Variants in UVSSA observed in about 807,000 individuals in gnomAD.
UVSSA encodes UV stimulated scaffold protein A.
UVSSA carries 72 observed loss-of-function variants against 73.9 expected under a neutral mutation model. That is an observed-to-expected ratio of 0.97 (90% CI 0.81 to 1.19). UVSSA has a LOEUF of 1.19. Among genes scored for constraint, UVSSA ranks in the 50% most tolerant of loss-of-function variants. The probability of loss-of-function intolerance (pLI) is 0.00; values close to 1 mark genes in which losing one functional copy is unlikely to be tolerated. For missense variants in UVSSA, 1,150 were observed against 965.0 expected (o/e 1.19, Z -2.54); for synonymous variants, 454 against 391.3 (o/e 1.16, Z -1.89).
intron 7 of UVSSA, among the ~76,000 whole-genome samples, chr4:1,355,586 C>T (rs770493797): frequency 1.3e-5 from 2 of 152,204 alleles, no homozygotes; most frequent in African/African-American, 4.8e-5. Context: ...CGGCACCTGT[C>T]CTGGCAGGCA....
In UVSSA at chr4:1,366,452, G is replaced by A. The variant is rs565941316; in HGVS notation, c.1288+21G>A. 2.0e-5 allele frequency: 31 copies of A among 1,578,656 alleles called. No individual in the cohort carries two copies. In the East Asian group the frequency reaches 3.8e-4, roughly 19 times the overall value. On this transcript the variant is annotated intron_variant, in intron 8 of 13. Transcript: ENST00000389851. ...GTATGGTGAGCAGTGGGTCCCGTGG[G>A]GGGGGCACCTGGGTGGAGGGTCCCC...
chr4:1,382,930 A>G (rs201916268), intron 12 of UVSSA, among the ~76,000 whole-genome samples: 3 of 152,128 alleles, frequency 2.0e-5, no homozygotes, highest in East Asian at 3.9e-4. Context: ...TGTAAGTCCC[A>G]TGGCCATCAC....
chr4:1,379,863 T>C (rs1311758547), intron 10 of UVSSA, among the ~76,000 whole-genome samples, 184 bp from the exon 11 acceptor site: 1 of 30,636 alleles, frequency 3.3e-5, no homozygotes, highest in East Asian at 8.9e-4. Context: ...GTCGCGCGGC[T>C]GGTTCATGTG....
upstream of UVSSA, among the ~76,000 whole-genome samples, chr4:1,343,096 T>G (rs1713487803): frequency 6.6e-6 from 1 of 152,194 alleles, no homozygotes; most frequent in Non-Finnish European, 1.5e-5. Flanking sequence ...GGTATTAGTT[T>G]GCTCGGCTGC....
chr4:1,355,348 C>A, intron 7 of UVSSA, 103 bp downstream of exon 7: 2 of 1,193,728 alleles, frequency 1.7e-6, no homozygotes, highest in South Asian at 1.5e-5. Context: ...CGGCGGACCC[C>A]AGCCACACCC....
At chr4:1,354,519 G>A in intron 5 of UVSSA, 1 of 572,718 alleles carries the variant, frequency 1.7e-6, no homozygotes, top group African/African-American at 1.9e-5. Flanking sequence ...AGCTGCGTGT[G>A]AGGGGAGGCT....
intron 9 of UVSSA, 113 bp from the exon 10 acceptor site, chr4:1,375,921 C>G: frequency 6.8e-7 from 1 of 1,476,404 alleles, no homozygotes; most frequent in Non-Finnish European, 9.0e-7. Context: ...GAAGCCATTG[C>G]TCACCTGATC....
At chr4:1,359,476 G>T (rs1440753092) in intron 7 of UVSSA, 4 of 152,194 alleles carry the variant, frequency 2.6e-5, no homozygotes, top group Non-Finnish European at 5.9e-5. Flanking sequence ...TTTGTATTGT[G>T]TAATTAACAA....
chr4:1,345,817 G>C (rs1243310593), upstream of UVSSA, among the ~76,000 whole-genome samples: 1 of 152,284 alleles, frequency 6.6e-6, no homozygotes, highest in East Asian at 1.9e-4. Context: ...GATAAAGAGA[G>C]GGTTTTGTTA....
At position 1,355,155 on chromosome 4, in the gene UVSSA, G is replaced by C. The variant is rs1485061774; in HGVS notation, c.1086G>C (p.Lys362Asn). 6.2e-7 allele frequency: 1 copy of C among 1,613,886 alleles called. No individual in the cohort carries two copies. The highest frequency in any genetic ancestry group is 2.2e-5 in the East Asian group (1 of 44,870). Residue 362 changes from lysine (K) to asparagine (N), a missense_variant, in exon 7 of 14, where the codon AAG (lysine) becomes AAC (asparagine). Coordinates refer to ENST00000389851, the MANE Select transcript of UVSSA (RefSeq NM_020894.4). ...TRVGTHGGCL[K>N]RAIDLKAELE... ...TCGGGACCCACGGTGGATGTTTAAAGCGTGCCATTGACCTGAAGGCTGAAT... is the reference window on the plus strand; with the variant it reads ...TCGGGACCCACGGTGGATGTTTAAACCGTGCCATTGACCTGAAGGCTGAAT...
rs1314448347 is a variant in UVSSA, at chr4:1,349,279, A to C, written c.99-245A>C. 2.6e-5 allele frequency among the ~76,000 whole-genome samples: 4 copies of C among 152,210 alleles called. No homozygotes were observed. The East Asian group carries it at 7.7e-4, about 29-fold the overall frequency. The stretch of plus-strand genomic sequence containing the variant: ...GTGTATATGATTTTCACATTTCACC[A>C]AGTATTTTTTGTTTGTATTGACATT... On this transcript the variant is annotated intron_variant, in intron 2 of 13. Transcript: ENST00000389851.
At chr4:1,394,196 C>A in exon 14 of UVSSA, 1 of 504,208 alleles carries the variant, frequency 2.0e-6, no homozygotes, top group Non-Finnish European at 3.5e-6. Flanking sequence ...GTGGGCACAG[C>A]CTTCCATGCC....
rs377071239 is a variant in UVSSA at position 1,349,821 on chromosome 4, C to G, written c.396C>G (p.Ala132=). The G allele has an allele frequency of 5.7e-6, 9 of 1,579,064 alleles. No individual in the cohort carries two copies. The highest frequency in any genetic ancestry group is 5.5e-5 in the African/African-American group (4 of 73,178). ...EKFGEAYKKL[A]LGYHFLRHNK... ...TTGGGGAGGCCTACAAGAAGCTTGC[C>G]TTGGGCTACCACTTCTTAAGACACA... Residue 132 remains alanine, a synonymous_variant, in exon 3 of 14, where the codon GCC becomes GCG. Transcript: ENST00000389851.
intron 11 of UVSSA, 63 bp downstream of exon 11, chr4:1,380,293 G>A: frequency 6.5e-7 from 1 of 1,545,000 alleles, no homozygotes; most frequent in Non-Finnish European, 8.8e-7. Context: ...AGCCAGAGGG[G>A]TGCTGAGCCC....
chr4:1,344,363 C>A (rs1403700333), upstream of UVSSA, among the ~76,000 whole-genome samples: 1 of 152,040 alleles, frequency 6.6e-6, no homozygotes, highest in Admixed American at 6.6e-5. Context: ...CCAGCCTGGC[C>A]AATATGGTGA....
intron 2 of UVSSA, 32 bp downstream of exon 2, chr4:1,348,221 C>T (rs1410292965): frequency 5.2e-6 from 8 of 1,538,386 alleles, no homozygotes; most frequent in Non-Finnish European, 6.3e-6. Context: ...CAGTAACTGA[C>T]TGGCCCACTG....
chr4:1,387,684 T>C lies in UVSSA; in HGVS notation c.*1723T>C, dbSNP rs1018981087. ...TGGATATCCAGTTGTCCCAGCACCA[T>C]TTGTTGAAAACATTATTTTTCCCCA... On this transcript the variant is annotated 3_prime_UTR_variant, in exon 14 of 14. Transcript: ENST00000389851. 1 of 152,236 alleles carries C rather than the reference T, an allele frequency of 6.6e-6. No homozygotes were observed. Among genetic ancestry groups the C allele is most frequent in the Non-Finnish European group, 1.5e-5 (1 of 68,032 alleles). 9.4% of individuals were successfully genotyped at this position (152,236 alleles called of 1,614,324 possible). A position where few individuals can be genotyped will look rare whatever the true frequency, so the allele number is the denominator to read the frequency against.
At chr4:1,363,871 C>G (rs1716970677) in intron 7 of UVSSA, among the ~76,000 whole-genome samples, 1 of 152,284 alleles carries the variant, frequency 6.6e-6, no homozygotes, top group African/African-American at 2.4e-5. Flanking sequence ...TTAATGTCTC[C>G]TGTGCTTCCC....
exon 14 of UVSSA, chr4:1,394,717 G>C (rs528384190): frequency 6.3e-7 from 1 of 1,578,568 alleles, no homozygotes; most frequent in South Asian, 1.1e-5. Flanking sequence ...GCTCACACAC[G>C]TGTCCATGTG....
Sources: gnomAD v4.1 joint callset for allele counts (sites outside exome capture counted in the v4.1 genomes callset) on GRCh38, gnomAD v4.1.1 for gene constraint, MANE v1.5 for transcripts, NCBI Gene and HGNC (gene_info 2026-07-23, HGNC 2026-07-21) for gene names.